Variants in C7orf33 observed in about 807,000 individuals in gnomAD.
C7orf33 encodes the protein uncharacterized protein C7orf33.
Under a neutral mutation model 13.4 loss-of-function variants are expected in C7orf33, and 15 were observed. That is an observed-to-expected ratio of 1.12 (90% CI 0.75 to 1.72). The LOEUF (loss-of-function observed/expected upper bound fraction) is 1.72. C7orf33 is among the 40% of genes most tolerant of loss of function. C7orf33 has a pLI of 0.00. For synonymous variants in C7orf33, 73 were observed against 83.2 expected, an observed-to-expected ratio of 0.88 and a Z score of 0.67; for missense variants, 187 against 220.3, an observed-to-expected ratio of 0.85 and a Z score of 0.96.
At chr7:148,606,933 T>TGCACACACACAC (rs1554449221) in intron 1 of C7orf33, among the ~76,000 whole-genome samples, 1 of 139,232 alleles carries the variant, frequency 7.2e-6, no homozygotes, top group East Asian at 2.1e-4. Flanking sequence ...AAAAAAAAAA[T>TGCACACACACAC]ACACACACAC....
intron 1 of C7orf33, among the ~76,000 whole-genome samples, chr7:148,601,098 G>A (rs538969986): frequency 9.9e-5 from 15 of 151,906 alleles, no homozygotes; most frequent in East Asian, 5.8e-4. Context: ...CACCGCGCCC[G>A]GCCTTATTGA....
intron 1 of C7orf33, among the ~76,000 whole-genome samples, chr7:148,604,422 C>T (rs778431100): frequency 4.6e-5 from 7 of 152,314 alleles, no homozygotes; most frequent in Non-Finnish European, 7.3e-5. Flanking sequence ...CCACCACACC[C>T]GGCCTAGGGA....
In C7orf33 at chr7:148,599,924, C is replaced by T. The variant is rs113114707; in HGVS notation, c.204+8795C>T. Among the ~76,000 whole-genome samples the T allele has an allele frequency of 3.5e-3, 536 of 152,230 alleles. 9 individuals carry two copies. Among genetic ancestry groups the T allele is most frequent in the African/African-American group, 0.012 (493 of 41,548 alleles). On this transcript the variant is annotated intron_variant, in intron 1 of 2. Coordinates refer to ENST00000307003, the MANE Select transcript of C7orf33 (RefSeq NM_145304.4). ...AGTGTGTTTACAGACACACAGCTTA[C>T]GCGTCCAAACTCCATCTACACGCCC...
At chr7:148,603,361 A>T (rs1796438338) in intron 1 of C7orf33, among the ~76,000 whole-genome samples, 1 of 152,174 alleles carries the variant, frequency 6.6e-6, no homozygotes, top group Admixed American at 6.5e-5. Flanking sequence ...GCTCGAGACC[A>T]GCCTGGCCAA....
chr7:148,610,278 A>G (rs1796522820), intron 1 of C7orf33, among the ~76,000 whole-genome samples: 1 of 152,112 alleles, frequency 6.6e-6, no homozygotes, highest in South Asian at 2.1e-4. Context: ...TTAACTTTTG[A>G]GTCAGTGGGC....
intron 1 of C7orf33, among the ~76,000 whole-genome samples, chr7:148,599,660 A>T (rs1253378943): frequency 6.6e-6 from 1 of 151,966 alleles, no homozygotes; most frequent in Non-Finnish European, 1.5e-5. Context: ...TTTTTAGTAG[A>T]GATGGGGTTT....
chr7:148,598,768 AGAGAG>A (rs1796379586), intron 1 of C7orf33, among the ~76,000 whole-genome samples: 1 of 25,764 alleles, frequency 3.9e-5, no homozygotes, highest in African/African-American at 1.8e-4. Context: ...ATATATAGAG[AGAGAG>A]AGAGAGAGAG....
chr7:148,611,422 A>G (rs901447692), intron 1 of C7orf33, among the ~76,000 whole-genome samples: 3 of 152,140 alleles, frequency 2.0e-5, no homozygotes, highest in African/African-American at 7.2e-5. Flanking sequence ...TGCAGCAGAG[A>G]AGAAAAAGAG....
At position 148,613,246 on chromosome 7, in the gene C7orf33, G is replaced by A. The variant is rs1796565271; in HGVS notation, c.205-796G>A. Among the ~76,000 whole-genome samples the A allele has an allele frequency of 2.6e-5, 4 of 152,232 alleles. 1 individual carries two copies. The highest frequency in any genetic ancestry group is 4.1e-4 in the South Asian group (2 of 4,822). On this transcript the variant is annotated intron_variant, in intron 1 of 2. Coordinates refer to ENST00000307003, the MANE Select transcript of C7orf33 (RefSeq NM_145304.4). ...CTTCCACATATAAAGGGAACATGTG[G>A]TATTTATCTTTCTGTGCCTGATTGA...
chr7:148,607,120 T>TA (rs1252997033), intron 1 of C7orf33, among the ~76,000 whole-genome samples: 2 of 152,252 alleles, frequency 1.3e-5, no homozygotes, highest in East Asian at 3.9e-4. Flanking sequence ...AGAATAGTGA[T>TA]TTTTAGAGAA....
chr7:148,610,609 C>T (rs977917455), intron 1 of C7orf33, among the ~76,000 whole-genome samples: 1 of 152,066 alleles, frequency 6.6e-6, no homozygotes, highest in Non-Finnish European at 1.5e-5. Flanking sequence ...TTAGTTCTGT[C>T]GCTCTGGGGA....
intron 1 of C7orf33, among the ~76,000 whole-genome samples, chr7:148,610,857 C>A (rs371533115): frequency 1.3e-5 from 2 of 152,170 alleles, no homozygotes; most frequent in African/African-American, 4.8e-5. Flanking sequence ...GTCTGACTCA[C>A]CACCTAGTGA....
intron 1 of C7orf33, among the ~76,000 whole-genome samples, chr7:148,604,969 C>T (rs890705160): frequency 3.9e-5 from 6 of 152,194 alleles, no homozygotes; most frequent in Non-Finnish European, 5.9e-5. Flanking sequence ...CGGTGGCTCA[C>T]GCCTGTACTC....
At position 148,615,401 on chromosome 7, in the gene C7orf33, A is replaced by G; in HGVS notation, c.534A>G (p.Ter178=). 2 of 1,600,206 alleles carry G rather than the reference A, an allele frequency of 1.2e-6. No homozygotes were observed. Among genetic ancestry groups the G allele is most frequent in the Non-Finnish European group, 1.7e-6 (2 of 1,167,278 alleles). Residue 178 remains the stop codon, a stop_retained_variant, in exon 3 of 3, where the codon TAA becomes TAG. Coordinates refer to ENST00000307003, the MANE Select transcript of C7orf33 (RefSeq NM_145304.4). The part of the protein sequence containing the change: ...ATRISRTDSS[*] Reference sequence around the variant, plus strand: ...GGATTTCCAGAACTGACAGCAGTTAAGAATTTTGCAGAATCTAAGAGTCAC... The same window carrying G: ...GGATTTCCAGAACTGACAGCAGTTAGGAATTTTGCAGAATCTAAGAGTCAC...
chr7:148,595,491 ATAGATCTATAT>A (rs1563120304), intron 1 of C7orf33, among the ~76,000 whole-genome samples: 1 of 130,344 alleles, frequency 7.7e-6, no homozygotes. Context: ...TATATATACT[ATAGATCTATAT>A]TATATATTAT....
At chr7:148,606,931 A>ATACACACACACACAC (rs1554449216) in intron 1 of C7orf33, among the ~76,000 whole-genome samples, 12 of 20,190 alleles carry the variant, frequency 5.9e-4, no homozygotes, top group South Asian at 4.0e-3. Context: ...TTAAAAAAAA[A>ATACACACACACACAC]ATACACACAC....
At chr7:148,606,061 C>G (rs1019061054) in intron 1 of C7orf33, among the ~76,000 whole-genome samples, 1 of 152,180 alleles carries the variant, frequency 6.6e-6, no homozygotes, top group African/African-American at 2.4e-5. Context: ...GCAAGACAAG[C>G]TCCTAATGCC....
intron 1 of C7orf33, among the ~76,000 whole-genome samples, chr7:148,598,757 TATATATAGAGAGAGAGAG>T (rs1156654329): frequency 4.2e-3 from 175 of 41,212 alleles, no homozygotes; most frequent in Middle Eastern, 0.014. Context: ...TATATATATA[TATATATAGAGAGAGAGAG>T]AGAGAGAGAG....
At chr7:148,608,074 T>G (rs1459029781) in intron 1 of C7orf33, among the ~76,000 whole-genome samples, 1 of 152,226 alleles carries the variant, frequency 6.6e-6, no homozygotes, top group Admixed American at 6.5e-5. Context: ...AAATGAGATC[T>G]TTCTACCCAG....
Sources: allele counts gnomAD v4.1 joint callset (sites outside exome capture counted in the v4.1 genomes callset), GRCh38; gene constraint gnomAD v4.1.1; transcripts MANE v1.5; gene names NCBI Gene and HGNC (gene_info 2026-07-23, HGNC 2026-07-21).